GABRB2: variants seen among roughly 807,000 people sequenced by gnomAD.
GABRB2 encodes the protein gamma-aminobutyric acid type A receptor subunit beta2, also known as gamma-aminobutyric acid receptor subunit beta-2.
A neutral mutation model predicts 54.7 loss-of-function variants in GABRB2; 16 were observed. That is an observed-to-expected ratio of 0.29 (90% confidence interval 0.20 to 0.44). The LOEUF is 0.44. GABRB2 is among the 20% of genes least tolerant of loss of function. The pLI, the probability that GABRB2 is intolerant of heterozygous loss-of-function variation, is 1.00. For synonymous variants in GABRB2, 244 were observed against 233.8 expected (o/e 1.04, Z -0.40); for missense variants, 355 against 644.0 (o/e 0.55, Z 4.86).
At chr5:161,315,443 C>T (rs1758001394) in intron 9 of GABRB2, among the ~76,000 whole-genome samples, 1 of 151,986 alleles carries the variant, frequency 6.6e-6, no homozygotes. Flanking sequence ...TCCTAGGTGT[C>T]TTTTTTCATT....
intron 4 of GABRB2, among the ~76,000 whole-genome samples, chr5:161,458,856 T>C (rs1465030351): frequency 6.6e-6 from 1 of 152,212 alleles, no homozygotes; most frequent in Non-Finnish European, 1.5e-5. Flanking sequence ...GGTAACCACA[T>C]ATTCATGTAA....
chr5:161,376,384 C>A (rs1011148567), intron 5 of GABRB2, among the ~76,000 whole-genome samples: 18 of 152,030 alleles, frequency 1.2e-4, no homozygotes, highest in Admixed American at 6.6e-5. Context: ...GGAATTTGAA[C>A]TTTATAAGAC....
chr5:161,460,268 ATGTGTGTGTGTG>A (rs57673547), intron 3 of GABRB2, among the ~76,000 whole-genome samples: 1 of 148,570 alleles, frequency 6.7e-6, no homozygotes, highest in African/African-American at 2.5e-5. Context: ...TTATATATAT[ATGTGTGTGTGTG>A]TGTGTGTGTG....
Position 161,335,693 on chromosome 5 carries a change from G to C in GABRB2, c.680-789C>G, listed in dbSNP as rs565159579. Among the ~76,000 whole-genome samples the C allele has an allele frequency of 5.9e-5, 9 of 152,274 alleles. No homozygotes were observed. The South Asian group carries it at 1.9e-3, about 32-fold the overall frequency. ...TTTTGGAGGGCTAGGCTAAGTGTCT[G>C]AATACGATAGTAAGAATATTCTAAG... On this transcript the variant is annotated intron_variant, in intron 6 of 9. Coordinates refer to ENST00000393959, the MANE Select transcript of GABRB2 (RefSeq NM_001371727.1).
At chr5:161,340,082 C>T (rs1754112021) in intron 5 of GABRB2, among the ~76,000 whole-genome samples, 1 of 151,984 alleles carries the variant, frequency 6.6e-6, no homozygotes, top group African/African-American at 2.4e-5. Flanking sequence ...GGTTTCTTTC[C>T]TCCTAATCTT....
At chr5:161,338,840 A>G (rs1001177058) in intron 5 of GABRB2, among the ~76,000 whole-genome samples, 2 of 152,124 alleles carry the variant, frequency 1.3e-5, no homozygotes, top group Non-Finnish European at 2.9e-5. Context: ...TGATTTCAAC[A>G]TACATTCTAG....
chr5:161,498,914 A>G (rs1759339731), intron 3 of GABRB2, among the ~76,000 whole-genome samples: 1 of 152,174 alleles, frequency 6.6e-6, no homozygotes, highest in Admixed American at 6.5e-5. Context: ...TTACATATGC[A>G]TCAAATAAAA....
At chr5:161,444,596 C>G (rs1040144746) in intron 4 of GABRB2, among the ~76,000 whole-genome samples, 6 of 152,100 alleles carry the variant, frequency 3.9e-5, no homozygotes, top group Admixed American at 2.0e-4. Context: ...CTCATATTTG[C>G]ACTTAATTTA....
intron 5 of GABRB2, among the ~76,000 whole-genome samples, chr5:161,374,431 C>A (rs989547502): frequency 6.6e-6 from 1 of 152,158 alleles, no homozygotes; most frequent in Non-Finnish European, 1.5e-5. Flanking sequence ...TCCATAACTC[C>A]TCAGTTCTCT....
intron 3 of GABRB2, among the ~76,000 whole-genome samples, chr5:161,485,329 T>C (rs145320565): frequency 1.8e-4 from 28 of 152,086 alleles, no homozygotes; most frequent in Middle Eastern, 3.4e-3. Context: ...AAATAGAGAC[T>C]ATGTCTGCCA....
At chr5:161,429,144 C>T (rs576077954) in intron 4 of GABRB2, among the ~76,000 whole-genome samples, 76 of 150,964 alleles carry the variant, frequency 5.0e-4, no homozygotes, top group Admixed American at 1.3e-3. Context: ...GTCAAGAGTT[C>T]GAAACCAGTC....
Position 161,290,100 on chromosome 5 carries a change from T to C in GABRB2, c.*3981A>G, listed in dbSNP as rs916106977. On this transcript the variant is annotated 3_prime_UTR_variant, in exon 10 of 10. Coordinates refer to ENST00000393959, the MANE Select transcript of GABRB2 (RefSeq NM_001371727.1). ...AAATACAAATTAGAAGTTAAAAATA[T>C]TTAAGAAATCTGTTTTAATATTTAC... is the stretch of plus-strand genomic sequence containing the variant. 6.6e-6 allele frequency: 1 copy of C among 152,500 alleles called. No individual in the cohort carries two copies. Among genetic ancestry groups the C allele is most frequent in the African/African-American group, 2.4e-5 (1 of 41,414 alleles). 9.4% of individuals were successfully genotyped at this position (152,500 alleles called of 1,614,324 possible). A position where few individuals can be genotyped will look rare whatever the true frequency, so the allele number is the denominator to read the frequency against.
chr5:161,434,606 A>C (rs956735797), intron 4 of GABRB2, among the ~76,000 whole-genome samples: 16 of 152,050 alleles, frequency 1.1e-4, no homozygotes, highest in African/African-American at 3.6e-4. Flanking sequence ...GCTCTTCTTC[A>C]CACTCTACTT....
intron 4 of GABRB2, among the ~76,000 whole-genome samples, chr5:161,413,346 A>G (rs978781845): frequency 6.6e-6 from 1 of 152,056 alleles, no homozygotes; most frequent in Non-Finnish European, 1.5e-5. Context: ...ATACATTTTA[A>G]TTAATTTAAT....
intron 4 of GABRB2, among the ~76,000 whole-genome samples, chr5:161,450,928 A>C (rs1757771951): frequency 6.6e-6 from 1 of 152,120 alleles, no homozygotes; most frequent in Non-Finnish European, 1.5e-5. Flanking sequence ...AGGTTCTCAC[A>C]TTCTGTCCAG....
chr5:161,447,980 T>C (rs949048575), intron 4 of GABRB2, among the ~76,000 whole-genome samples: 3 of 152,140 alleles, frequency 2.0e-5, no homozygotes, highest in African/African-American at 7.2e-5. Flanking sequence ...TAGCTATTGG[T>C]CCAGTACTCT....
At chr5:161,335,205 T>G (rs932009255) in intron 6 of GABRB2, among the ~76,000 whole-genome samples, 1 of 152,104 alleles carries the variant, frequency 6.6e-6, no homozygotes, top group Non-Finnish European at 1.5e-5. Flanking sequence ...GGACAGTTCT[T>G]TTTTTCATTC....
At chr5:161,436,044 T>C (rs896225547) in intron 4 of GABRB2, among the ~76,000 whole-genome samples, 2 of 152,180 alleles carry the variant, frequency 1.3e-5, no homozygotes, top group African/African-American at 4.8e-5. Context: ...TGTTATAATT[T>C]CAGGGGTCAA....
intron 3 of GABRB2, among the ~76,000 whole-genome samples, chr5:161,544,891 T>C (rs1362613403): frequency 6.6e-6 from 1 of 152,142 alleles, no homozygotes; most frequent in African/African-American, 2.4e-5. Context: ...TGACCCCACA[T>C]CAAATCCAGA....
Sources: gnomAD v4.1 joint callset for allele counts (sites outside exome capture counted in the v4.1 genomes callset) on GRCh38, gnomAD v4.1.1 for gene constraint, MANE v1.5 for transcripts, NCBI Gene and HGNC (gene_info 2026-07-23, HGNC 2026-07-21) for gene names.